Variants in KAT2B observed in about 807,000 individuals in gnomAD.
KAT2B encodes lysine acetyltransferase 2B.
In KAT2B, 36 loss-of-function variants were observed where a neutral mutation model predicts 105.9. The ratio of observed to expected loss-of-function variants is 0.34; its 90% CI spans 0.26 to 0.45. The LOEUF (loss-of-function observed/expected upper bound fraction) is 0.45. KAT2B is among the 20% of genes least tolerant of loss of function. The probability of loss-of-function intolerance (pLI) is 1.00; values close to 1 mark genes in which losing one functional copy is unlikely to be tolerated. For synonymous variants in KAT2B, 397 were observed against 377.9 expected, an observed-to-expected ratio of 1.05 and a Z score of -0.59; for missense variants, 820 against 1,021.6, an observed-to-expected ratio of 0.80 and a Z score of 2.69.
At chr3:20,139,714 A>C (rs1239895591) in intron 12 of KAT2B, among the ~76,000 whole-genome samples, 1 of 152,160 alleles carries the variant, frequency 6.6e-6, no homozygotes, top group Admixed American at 6.5e-5. Flanking sequence ...TCATTGAAAC[A>C]ACCACACATT....
chr3:20,080,130 G>GTGA (rs535108668), intron 2 of KAT2B, among the ~76,000 whole-genome samples: 30 of 152,246 alleles, frequency 2.0e-4, no homozygotes, highest in Admixed American at 1.3e-3. Context: ...ATGATACAAT[G>GTGA]TGATCCCATT....
intron 11 of KAT2B, among the ~76,000 whole-genome samples, chr3:20,135,519 T>C (rs1159679721): frequency 1.3e-5 from 2 of 151,996 alleles, no homozygotes; most frequent in Non-Finnish European, 2.9e-5. Context: ...CCAGGTGTGG[T>C]GGCGGGCACC....
At chr3:20,064,691 A>T (rs554873227) in intron 1 of KAT2B, among the ~76,000 whole-genome samples, 33 of 152,220 alleles carry the variant, frequency 2.2e-4, no homozygotes, top group Non-Finnish European at 2.4e-4. Context: ...TTCTCTTTTA[A>T]TAATGGCAAT....
At chr3:20,094,570 G>T (rs548802717) in intron 2 of KAT2B, among the ~76,000 whole-genome samples, 6 of 152,160 alleles carry the variant, frequency 3.9e-5, no homozygotes, top group African/African-American at 1.4e-4. Flanking sequence ...AGATCACAAA[G>T]GGATGAGTGA....
chr3:20,070,552 C>T (rs1477202946), intron 1 of KAT2B, among the ~76,000 whole-genome samples: 3 of 151,088 alleles, frequency 2.0e-5, no homozygotes, highest in African/African-American at 4.8e-5. Context: ...GATCCGCCCA[C>T]CTCGGCCTCC....
At chr3:20,075,350 GT>G (rs968562694) in intron 2 of KAT2B, among the ~76,000 whole-genome samples, 3 of 149,338 alleles carry the variant, frequency 2.0e-5, no homozygotes, top group African/African-American at 2.5e-5. Flanking sequence ...AGATGTGTGG[GT>G]TTTTTTTTTC....
chr3:20,051,199 C>A (rs76989272), intron 1 of KAT2B, among the ~76,000 whole-genome samples: 774 of 112,964 alleles, frequency 6.9e-3, no homozygotes, highest in South Asian at 7.9e-3. Context: ...TACTCTGTCT[C>A]AAAAAAAAAA....
intron 1 of KAT2B, among the ~76,000 whole-genome samples, chr3:20,069,737 G>T (rs1328034298): frequency 6.6e-6 from 1 of 151,958 alleles, no homozygotes; most frequent in Non-Finnish European, 1.5e-5. Context: ...TTCAAGACTG[G>T]CCAGGATGGT....
At chr3:20,100,060 T>G in intron 4 of KAT2B, 106 bp downstream of exon 4, 2 of 641,964 alleles carry the variant, frequency 3.1e-6, no homozygotes, top group South Asian at 1.9e-5. Context: ...ATACCCAGGT[T>G]AGAGATGTTT....
At chr3:20,049,760 C>G (rs1231119135) in intron 1 of KAT2B, among the ~76,000 whole-genome samples, 1 of 152,162 alleles carries the variant, frequency 6.6e-6, no homozygotes, top group Non-Finnish European at 1.5e-5. Flanking sequence ...TATACATGCT[C>G]TTGATTGTTT....
At chr3:20,101,176 G>C in intron 4 of KAT2B, 111 bp from the exon 5 acceptor site, 1 of 812,888 alleles carries the variant, frequency 1.2e-6, no homozygotes, top group Non-Finnish European at 1.9e-6. Flanking sequence ...TTTGTGAATA[G>C]AGAAATGTCT....
intron 4 of KAT2B, 100 bp downstream of exon 4, chr3:20,100,054 C>T (rs757541428): frequency 3.0e-6 from 2 of 667,430 alleles, no homozygotes; most frequent in Admixed American, 2.6e-5. Flanking sequence ...TCCTCCATAC[C>T]CAGGTTAGAG....
intron 13 of KAT2B, among the ~76,000 whole-genome samples, chr3:20,141,500 C>T (rs1699694063): frequency 6.6e-6 from 1 of 152,172 alleles, no homozygotes; most frequent in Admixed American, 6.5e-5. Flanking sequence ...GAGTTTGCAG[C>T]TGTGTCATCC....
intron 10 of KAT2B, 69 bp from the exon 11 acceptor site, chr3:20,127,354 G>T: frequency 7.1e-7 from 1 of 1,406,366 alleles, no homozygotes; most frequent in Non-Finnish European, 9.9e-7. Flanking sequence ...TGGTTAATAA[G>T]GAACACCCCA....
chr3:20,057,765 T>G (rs1316045717), intron 1 of KAT2B, among the ~76,000 whole-genome samples: 1 of 152,186 alleles, frequency 6.6e-6, no homozygotes, highest in Non-Finnish European at 1.5e-5. Context: ...TCGGATGTAA[T>G]GAAGGGTCTG....
chr3:20,142,647 AC>A (rs1699713300), intron 13 of KAT2B, among the ~76,000 whole-genome samples: 1 of 152,060 alleles, frequency 6.6e-6, no homozygotes, highest in Admixed American at 6.6e-5. Flanking sequence ...GTGAGTGTTG[AC>A]TCCAAGGGAA....
At chr3:20,146,074 A>G (rs780714520) in intron 13 of KAT2B, among the ~76,000 whole-genome samples, 9 of 152,190 alleles carry the variant, frequency 5.9e-5, no homozygotes, top group Non-Finnish European at 1.2e-4. Context: ...TGTTTTCTCA[A>G]TATTGGCTTT....
chr3:20,060,688 G>A (rs1698085866), intron 1 of KAT2B, among the ~76,000 whole-genome samples: 1 of 152,124 alleles, frequency 6.6e-6, no homozygotes, highest in South Asian at 2.1e-4. Flanking sequence ...ACTTTGGGAG[G>A]CTGAGGTGGG....
chr3:20,075,677 G>A (rs1008695677), intron 2 of KAT2B, among the ~76,000 whole-genome samples: 1 of 152,160 alleles, frequency 6.6e-6, no homozygotes, highest in Admixed American at 6.5e-5. Flanking sequence ...ACAGCCAGAT[G>A]AAGGGATGCA....
Sources: gnomAD v4.1 joint callset for allele counts (sites outside exome capture counted in the v4.1 genomes callset) on GRCh38, gnomAD v4.1.1 for gene constraint, MANE v1.5 for transcripts, NCBI Gene and HGNC (gene_info 2026-07-23, HGNC 2026-07-21) for gene names.